Variants in SEMA3A observed in about 807,000 individuals in gnomAD.
SEMA3A encodes semaphorin 3A, also known as semaphorin-3A.
A neutral mutation model predicts 97.9 loss-of-function variants in SEMA3A; 29 were observed. That is an observed-to-expected ratio of 0.30 (90% CI 0.22 to 0.40). SEMA3A has a LOEUF of 0.40. Ranked by LOEUF, SEMA3A falls within the 10% of genes least tolerant of loss-of-function variation. SEMA3A has a pLI of 1.00. For synonymous variants in SEMA3A, 321 were observed against 323.7 expected (o/e 0.99, Z 0.09); for missense variants, 763 against 951.3 (o/e 0.80, Z 2.60).
At chr7:84,388,257 G>A (rs946511488) in intron 1 of SEMA3A, among the ~76,000 whole-genome samples, 1 of 151,904 alleles carries the variant, frequency 6.6e-6, no homozygotes, top group African/African-American at 2.4e-5. Context: ...TTCTTAAGCC[G>A]TTTTGGATTC....
intron 1 of SEMA3A, among the ~76,000 whole-genome samples, chr7:84,410,754 C>T (rs752660992): frequency 9.2e-5 from 14 of 152,088 alleles, no homozygotes; most frequent in African/African-American, 2.4e-4. Context: ...TGAATTAACA[C>T]GGAAATGTCA....
chr7:84,226,765 CA>C (rs1798998025), intron 3 of SEMA3A, among the ~76,000 whole-genome samples: 1 of 151,894 alleles, frequency 6.6e-6, no homozygotes. Flanking sequence ...ATCTGAAGTT[CA>C]AAAAGCAAGA....
chr7:84,429,557 G>C (rs1285386754), intron 1 of SEMA3A, among the ~76,000 whole-genome samples: 1 of 73,104 alleles, frequency 1.4e-5, no homozygotes, highest in African/African-American at 6.6e-5. Flanking sequence ...TAGCGAGAGA[G>C]AGAGAGAGAG....
rs537290762 is a variant in SEMA3A at position 84,067,032 on chromosome 7, C to T, written c.454-6474G>A. Among the ~76,000 whole-genome samples, 444 of 152,196 alleles carry T rather than the reference C, an allele frequency of 2.9e-3. 5 individuals carry two copies. Among genetic ancestry groups the T allele is most frequent in the African/African-American group, 0.01 (418 of 41,530 alleles). On this transcript the variant is annotated intron_variant, in intron 4 of 16. Transcript: ENST00000265362. ...CCTGACTTCAAACTATACTACAAGG[C>T]TACAGTAACCAAAACAGCATGGTAC...
chr7:84,196,183 G>A (rs78007259), upstream of SEMA3A, among the ~76,000 whole-genome samples: 268 of 150,674 alleles, frequency 1.8e-3, 2 homozygotes, highest in African/African-American at 6.3e-3. Flanking sequence ...TTCAATAGTA[G>A]GGAAACTTCT....
intron 1 of SEMA3A, among the ~76,000 whole-genome samples, chr7:84,396,982 G>A (rs1158583253): frequency 6.6e-6 from 1 of 151,892 alleles, no homozygotes; most frequent in Non-Finnish European, 1.5e-5. Flanking sequence ...GCTAACAAAG[G>A]TATGTGTTTA....
rs75296373 is a variant in SEMA3A at position 84,001,004 on chromosome 7, T to C, written c.1452+951A>G. ...ACACCTGAAGACTAAATGAGATCACTTGAAGTTGTCAGACTAGATGCAATA... is the reference window on the plus strand; with the variant it reads ...ACACCTGAAGACTAAATGAGATCACCTGAAGTTGTCAGACTAGATGCAATA... On this transcript the variant is annotated intron_variant, in intron 12 of 16. Coordinates refer to ENST00000265362, the MANE Select transcript of SEMA3A (RefSeq NM_006080.3). 7.2e-3 allele frequency among the ~76,000 whole-genome samples: 1,095 copies of C among 152,122 alleles called. 10 individuals are homozygous for C. The highest frequency in any genetic ancestry group is 0.025 in the African/African-American group (1,052 of 41,512).
intron 6 of SEMA3A, among the ~76,000 whole-genome samples, chr7:84,025,457 C>T (rs1161126737): frequency 1.3e-5 from 2 of 152,150 alleles, no homozygotes; most frequent in African/African-American, 4.8e-5. Flanking sequence ...ACTTTCAGCA[C>T]ATTAAGAATG....
intron 1 of SEMA3A, among the ~76,000 whole-genome samples, chr7:84,479,490 C>A (rs956598997): frequency 2.0e-5 from 3 of 152,066 alleles, no homozygotes. Context: ...ATCATGGCCC[C>A]TGTGTTAAAA....
At chr7:84,120,970 T>C (rs1443885102) in intron 3 of SEMA3A, among the ~76,000 whole-genome samples, 1 of 152,246 alleles carries the variant, frequency 6.6e-6, no homozygotes, top group Admixed American at 6.5e-5. Context: ...ATGTGGTTAG[T>C]TGCATTATAG....
intron 1 of SEMA3A, among the ~76,000 whole-genome samples, chr7:84,386,794 G>A (rs1191405657): frequency 6.6e-6 from 1 of 152,112 alleles, no homozygotes; most frequent in Non-Finnish European, 1.5e-5. Context: ...GAGGTCAGGA[G>A]TTCTACATCA....
At chr7:84,046,199 T>C in intron 6 of SEMA3A, 125 bp downstream of exon 6, 3 of 1,066,222 alleles carry the variant, frequency 2.8e-6, no homozygotes, top group Non-Finnish European at 4.0e-6. Context: ...CATCATGAAG[T>C]CACCACCATT....
At chr7:84,175,558 T>C (rs1797536471) in intron 1 of SEMA3A, among the ~76,000 whole-genome samples, 1 of 152,202 alleles carries the variant, frequency 6.6e-6, no homozygotes, top group South Asian at 2.1e-4. Context: ...ATCAGTAGTC[T>C]GTATCATTTA....
intron 9 of SEMA3A, 65 bp from the exon 10 acceptor site, chr7:84,007,562 T>C: frequency 8.7e-7 from 1 of 1,155,062 alleles, no homozygotes; most frequent in Non-Finnish European, 1.2e-6. Context: ...GAAATATTGA[T>C]ACTGAGTTCT....
chr7:84,434,414 A>T (rs1805069983), intron 1 of SEMA3A, among the ~76,000 whole-genome samples: 1 of 152,162 alleles, frequency 6.6e-6, no homozygotes, highest in Non-Finnish European at 1.5e-5. Flanking sequence ...ATGGATTCAC[A>T]GCAAAATTCT....
intron 11 of SEMA3A, among the ~76,000 whole-genome samples, chr7:84,003,007 T>C (rs1401018386): frequency 2.0e-5 from 3 of 152,172 alleles, no homozygotes; most frequent in Non-Finnish European, 2.9e-5. Context: ...CTTCTAGTTC[T>C]GACTAAACTT....
At chr7:84,024,386 C>CA (rs35094304) in intron 6 of SEMA3A, among the ~76,000 whole-genome samples, 123 of 151,066 alleles carry the variant, frequency 8.1e-4, no homozygotes, top group East Asian at 5.0e-3. Flanking sequence ...ACTAAAAATA[C>CA]AAAAAAAAAA....
At chr7:84,356,965 TA>T (rs1268718330) in intron 2 of SEMA3A, among the ~76,000 whole-genome samples, 1 of 151,292 alleles carries the variant, frequency 6.6e-6, no homozygotes, top group Admixed American at 6.6e-5. Context: ...TGCTGCAAGT[TA>T]AAAAAAAGTT....
At chr7:84,280,868 T>G (rs2115741795) in intron 3 of SEMA3A, among the ~76,000 whole-genome samples, 1 of 152,286 alleles carries the variant, frequency 6.6e-6, no homozygotes, top group African/African-American at 2.4e-5. Context: ...TTTTAAGCAT[T>G]TGATCTTTCA....
Sources: gnomAD v4.1 joint callset for allele counts (sites outside exome capture counted in the v4.1 genomes callset) on GRCh38, gnomAD v4.1.1 for gene constraint, MANE v1.5 for transcripts, NCBI Gene and HGNC (gene_info 2026-07-23, HGNC 2026-07-21) for gene names.